L3MBTL3: variants seen among roughly 807,000 people sequenced by gnomAD.
The protein encoded by L3MBTL3 is lethal(3)malignant brain tumor-like protein 3.
A neutral mutation model predicts 102.3 loss-of-function variants in L3MBTL3; 27 were observed. The observed-to-expected ratio is 0.26, with a 90% confidence interval of 0.19 to 0.36. The LOEUF (loss-of-function observed/expected upper bound fraction) is 0.36. Among genes scored for constraint, L3MBTL3 ranks in the 10% least tolerant of loss-of-function variants. The pLI is 1.00. For synonymous variants in L3MBTL3, 340 were observed against 320.9 expected (o/e 1.06, Z -0.64); for missense variants, 798 against 955.3 (o/e 0.84, Z 2.17).
At chr6:130,085,860 C>G (rs1419176919) in intron 15 of L3MBTL3, among the ~76,000 whole-genome samples, 1 of 152,084 alleles carries the variant, frequency 6.6e-6, no homozygotes, top group African/African-American at 2.4e-5. Context: ...TAAAGCAATT[C>G]TTGTGCCTCA....
chr6:130,069,647 G>A (rs117968991), intron 12 of L3MBTL3, among the ~76,000 whole-genome samples: 2,295 of 152,310 alleles, frequency 0.015, 30 homozygotes, highest in Non-Finnish European at 0.023. Flanking sequence ...GGTCAGTTGG[G>A]TGGAAAACTT....
chr6:130,058,441 C>G (rs1781668976), intron 9 of L3MBTL3, among the ~76,000 whole-genome samples: 1 of 149,716 alleles, frequency 6.7e-6, no homozygotes, highest in Admixed American at 6.7e-5. Context: ...AGTTCGAGAT[C>G]AGTCTGAGCA....
intron 20 of L3MBTL3, among the ~76,000 whole-genome samples, chr6:130,122,882 T>C (rs1475044525): frequency 1.3e-5 from 2 of 152,174 alleles, no homozygotes; most frequent in African/African-American, 2.4e-5. Context: ...TCTATATCAT[T>C]GGATTATTGT....
chr6:130,126,695 C>T (rs1157426904), intron 20 of L3MBTL3, among the ~76,000 whole-genome samples: 1 of 152,152 alleles, frequency 6.6e-6, no homozygotes, highest in Non-Finnish European at 1.5e-5. Context: ...TTGCAGATTT[C>T]TACTTTGGAT....
At chr6:130,099,431 C>T (rs1477271774) in intron 18 of L3MBTL3, among the ~76,000 whole-genome samples, 1 of 152,116 alleles carries the variant, frequency 6.6e-6, no homozygotes, top group Non-Finnish European at 1.5e-5. Context: ...CAACTTTTTC[C>T]ATAGATGTTT....
intron 8 of L3MBTL3, among the ~76,000 whole-genome samples, chr6:130,055,659 T>G: frequency 3.8e-5 from 1 of 26,002 alleles, no homozygotes; most frequent in Non-Finnish European, 1.6e-4. Flanking sequence ...TCTCCCTCCC[T>G]CCCTCTCTCT....
rs916589521 is a variant in L3MBTL3, at chr6:130,075,233, G to A, written c.1245-3325G>A. On this transcript the variant is annotated intron_variant, in intron 13 of 22. Transcript: ENST00000361794. ...GATGGTGGTTATTGCTTAATTTTTA[G>A]AACCAACCACTTGGAGGGGTGATGG... is the stretch of plus-strand genomic sequence containing the variant. Among the ~76,000 whole-genome samples, 38 of 152,068 alleles carry A rather than the reference G, an allele frequency of 2.5e-4. 1 individual carries two copies. Among genetic ancestry groups the A allele is most frequent in the Non-Finnish European group, 1.0e-4 (7 of 68,004 alleles).
At chr6:130,079,763 C>T (rs957510786) in intron 14 of L3MBTL3, among the ~76,000 whole-genome samples, 3 of 152,168 alleles carry the variant, frequency 2.0e-5, no homozygotes, top group African/African-American at 7.2e-5. Context: ...GTCTCCAGTT[C>T]CTTGATACAG....
chr6:130,048,843 C>A (rs886998446), intron 3 of L3MBTL3, among the ~76,000 whole-genome samples: 2 of 151,856 alleles, frequency 1.3e-5, no homozygotes, highest in African/African-American at 4.8e-5. Context: ...TGAGCCTGGG[C>A]AAGACAAGTT....
At chr6:130,131,898 C>G (rs934684032) in intron 20 of L3MBTL3, among the ~76,000 whole-genome samples, 1 of 152,138 alleles carries the variant, frequency 6.6e-6, no homozygotes, top group South Asian at 2.1e-4. Flanking sequence ...TCTTTATGAC[C>G]TGTATCTTGT....
At chr6:130,118,047 G>A (rs530778335) in intron 19 of L3MBTL3, among the ~76,000 whole-genome samples, 85 of 151,982 alleles carry the variant, frequency 5.6e-4, no homozygotes, top group African/African-American at 1.9e-3. Flanking sequence ...AAACAAATGA[G>A]AATACAGAGT....
At chr6:130,054,891 G>C (rs1185470181) in intron 7 of L3MBTL3, among the ~76,000 whole-genome samples, 3 of 152,204 alleles carry the variant, frequency 2.0e-5, no homozygotes, top group Non-Finnish European at 2.9e-5. Flanking sequence ...GAAAATCAGA[G>C]CAGAGCGGTC....
At chr6:130,122,023 G>C (rs997468070) in intron 20 of L3MBTL3, among the ~76,000 whole-genome samples, 7 of 152,326 alleles carry the variant, frequency 4.6e-5, no homozygotes, top group Middle Eastern at 3.4e-3. Flanking sequence ...TCTAGTCTGA[G>C]CTACAGAGCG....
At chr6:130,121,811 C>T (rs1167409598) in intron 20 of L3MBTL3, among the ~76,000 whole-genome samples, 1 of 152,070 alleles carries the variant, frequency 6.6e-6, no homozygotes, top group Non-Finnish European at 1.5e-5. Flanking sequence ...TTTGGGAGGC[C>T]AAGGCAGGCA....
chr6:130,105,206 G>A (rs998285872), intron 19 of L3MBTL3, among the ~76,000 whole-genome samples: 5 of 152,082 alleles, frequency 3.3e-5, no homozygotes, highest in Admixed American at 1.3e-4. Flanking sequence ...TTAATACTTA[G>A]GTTTTGGCTT....
At chr6:130,108,343 G>A (rs569906974) in intron 19 of L3MBTL3, among the ~76,000 whole-genome samples, 3 of 144,756 alleles carry the variant, frequency 2.1e-5, no homozygotes, top group East Asian at 4.4e-4. Context: ...CAAGGGATTC[G>A]CCTGCCTCAG....
intron 2 of L3MBTL3, among the ~76,000 whole-genome samples, chr6:130,028,427 T>C (rs1046898146): frequency 6.6e-6 from 1 of 152,224 alleles, no homozygotes; most frequent in Non-Finnish European, 1.5e-5. Context: ...TAGTTCACAC[T>C]CAGGTGTCTC....
chr6:130,094,083 C>T (rs1482976213), intron 17 of L3MBTL3, among the ~76,000 whole-genome samples, 182 bp from the exon 18 acceptor site: 2 of 152,108 alleles, frequency 1.3e-5, no homozygotes, highest in Non-Finnish European at 1.5e-5. Context: ...AACCTTTAAA[C>T]GTAGCGTCTT....
In L3MBTL3 at chr6:130,139,595, T is replaced by A; in HGVS notation, c.2200-15T>A. The A allele has an allele frequency of 1.9e-6, 3 of 1,610,402 alleles. No homozygotes were observed. The highest frequency in any genetic ancestry group is 1.1e-5 in the South Asian group (1 of 90,928). On this transcript the variant is annotated splice_polypyrimidine_tract_variant and intron_variant, in intron 22 of 22. Coordinates refer to ENST00000361794, the MANE Select transcript of L3MBTL3 (RefSeq NM_032438.4). ...TTGTTAATCCACATTCTGTTGTTTTTTTCCCCCATTTTAGCAAATTGATGG... is the reference window on the plus strand; with the variant it reads ...TTGTTAATCCACATTCTGTTGTTTTATTCCCCCATTTTAGCAAATTGATGG...
Sources: gnomAD v4.1 joint callset for allele counts (sites outside exome capture counted in the v4.1 genomes callset) on GRCh38, gnomAD v4.1.1 for gene constraint, MANE v1.5 for transcripts, NCBI Gene and HGNC (gene_info 2026-07-23, HGNC 2026-07-21) for gene names.